The following AUTS2 variants were observed in gnomAD, a reference collection of about 807,000 sequenced individuals.
AUTS2 encodes the protein activator of transcription and developmental regulator AUTS2.
In AUTS2, 17 loss-of-function variants were observed where a neutral mutation model predicts 112.4. That is an observed-to-expected ratio of 0.15 (90% CI 0.10 to 0.23). The LOEUF is 0.23. AUTS2 is among the 10% of genes least tolerant of loss of function. AUTS2 has a pLI of 1.00. For synonymous variants in AUTS2, 751 were observed against 702.7 expected, an observed-to-expected ratio of 1.07 and a Z score of -1.09; for missense variants, 1,510 against 1,701.6, an observed-to-expected ratio of 0.89 and a Z score of 1.98.
At chr7:70,715,892 C>G (rs1487190237) in intron 6 of AUTS2, among the ~76,000 whole-genome samples, 1 of 152,104 alleles carries the variant, frequency 6.6e-6, no homozygotes, top group Non-Finnish European at 1.5e-5. Context: ...GAATTCTACC[C>G]CTATCCTACC....
chr7:70,041,966 G>C (rs1488945791), intron 2 of AUTS2, among the ~76,000 whole-genome samples: 1 of 152,014 alleles, frequency 6.6e-6, no homozygotes, highest in Non-Finnish European at 1.5e-5. Flanking sequence ...AAGTATTTAT[G>C]GAATTATCAG....
At chr7:69,848,185 G>T (rs1792297632) in intron 1 of AUTS2, among the ~76,000 whole-genome samples, 1 of 152,146 alleles carries the variant, frequency 6.6e-6, no homozygotes, top group Non-Finnish European at 1.5e-5. Context: ...ATTGGATTTT[G>T]TTTTTACCTG....
At chr7:70,248,622 C>T (rs1813054162) in intron 4 of AUTS2, among the ~76,000 whole-genome samples, 1 of 151,960 alleles carries the variant, frequency 6.6e-6, no homozygotes, top group Admixed American at 6.6e-5. Flanking sequence ...TCTATTTTTG[C>T]CCTTTCTACA....
chr7:70,225,889 A>T (rs1479524038), intron 4 of AUTS2, among the ~76,000 whole-genome samples: 1 of 152,106 alleles, frequency 6.6e-6, no homozygotes, highest in Non-Finnish European at 1.5e-5. Flanking sequence ...TTGCGGTTGT[A>T]TTGCATGATT....
chr7:70,701,401 A>G (rs2129547766), intron 6 of AUTS2, among the ~76,000 whole-genome samples: 1 of 152,340 alleles, frequency 6.6e-6, no homozygotes, highest in East Asian at 1.9e-4. Context: ...CAATCATAAC[A>G]AAACCTATTC....
chr7:69,719,533 A>G (rs1254173805), intron 1 of AUTS2, among the ~76,000 whole-genome samples: 1 of 152,168 alleles, frequency 6.6e-6, no homozygotes, highest in African/African-American at 2.4e-5. Flanking sequence ...AATTAGCAGG[A>G]AACCTGTCTT....
chr7:70,488,541 G>T (rs1404634502), intron 5 of AUTS2, among the ~76,000 whole-genome samples: 1 of 152,010 alleles, frequency 6.6e-6, no homozygotes, highest in Non-Finnish European at 1.5e-5. Flanking sequence ...TTTCTCCTCA[G>T]TCAGACCTTC....
chr7:70,608,254 C>T (rs1445853136), intron 5 of AUTS2, among the ~76,000 whole-genome samples: 1 of 152,114 alleles, frequency 6.6e-6, no homozygotes, highest in Non-Finnish European at 1.5e-5. Flanking sequence ...CAGGCATACA[C>T]CACCATACCC....
At chr7:70,695,452 G>C (rs1193782062) in intron 5 of AUTS2, among the ~76,000 whole-genome samples, 2 of 152,240 alleles carry the variant, frequency 1.3e-5, no homozygotes, top group African/African-American at 2.4e-5. Flanking sequence ...GCCCGCACCC[G>C]GTGCCAAGGG....
At chr7:69,864,583 C>T (rs182594972) in intron 1 of AUTS2, among the ~76,000 whole-genome samples, 116 of 152,308 alleles carry the variant, frequency 7.6e-4, no homozygotes, top group African/African-American at 2.6e-3. Context: ...GCCACAGCAG[C>T]AGGAGCATTG....
intron 1 of AUTS2, among the ~76,000 whole-genome samples, chr7:69,776,970 G>C (rs1029958406): frequency 1.3e-5 from 2 of 152,202 alleles, no homozygotes; most frequent in East Asian, 3.8e-4. Context: ...CTTTGAGTTA[G>C]TGCAGGGAGT....
chr7:69,912,525 A>C (rs2129541966), intron 2 of AUTS2, among the ~76,000 whole-genome samples: 2 of 152,354 alleles, frequency 1.3e-5, no homozygotes, highest in South Asian at 4.1e-4. Flanking sequence ...GGAGTATATT[A>C]GGGCTGCCCC....
intron 4 of AUTS2, among the ~76,000 whole-genome samples, chr7:70,188,279 A>C (rs1027202230): frequency 6.6e-6 from 1 of 152,164 alleles, no homozygotes; most frequent in South Asian, 2.1e-4. Flanking sequence ...CTTGAGTAAG[A>C]TCCGGGCTTG....
intron 1 of AUTS2, among the ~76,000 whole-genome samples, chr7:69,809,079 C>CTT: frequency 6.8e-6 from 1 of 147,422 alleles, no homozygotes; most frequent in African/African-American, 2.5e-5. Context: ...ACATAATTTC[C>CTT]TTTTTTTTTT....
intron 5 of AUTS2, among the ~76,000 whole-genome samples, chr7:70,447,611 C>T (rs562096608): frequency 6.6e-6 from 1 of 152,318 alleles, no homozygotes; most frequent in East Asian, 1.9e-4. Context: ...AAACCCAGGT[C>T]AGTGTGGCAG....
chr7:70,390,125 G>T (rs1263991961), intron 4 of AUTS2, among the ~76,000 whole-genome samples: 1 of 152,140 alleles, frequency 6.6e-6, no homozygotes, highest in African/African-American at 2.4e-5. Context: ...AGTGTACCTG[G>T]AACTCACCAA....
chr7:69,677,069 G>A (rs1796598054), intron 1 of AUTS2, among the ~76,000 whole-genome samples: 1 of 152,116 alleles, frequency 6.6e-6, no homozygotes, highest in African/African-American at 2.4e-5. Flanking sequence ...CTATTTGGAT[G>A]TCTTGTTAAA....
At chr7:69,740,887 T>G (rs533730040) in intron 1 of AUTS2, among the ~76,000 whole-genome samples, 15 of 152,318 alleles carry the variant, frequency 9.8e-5, no homozygotes, top group Admixed American at 9.8e-4. Context: ...CTCCTTCGGC[T>G]ATGAGAAAGA....
At chr7:70,375,741 T>G (rs1217968499) in intron 4 of AUTS2, among the ~76,000 whole-genome samples, 3 of 152,186 alleles carry the variant, frequency 2.0e-5, no homozygotes, top group Non-Finnish European at 2.9e-5. Context: ...TTGGTGAGAT[T>G]TGCTTTATTT....
Sources: allele counts gnomAD v4.1 joint callset (sites outside exome capture counted in the v4.1 genomes callset), GRCh38; gene constraint gnomAD v4.1.1; transcripts MANE v1.5; gene names NCBI Gene and HGNC (gene_info 2026-07-23, HGNC 2026-07-21).